Variants in CAMTA1 observed in about 807,000 individuals in gnomAD.
CAMTA1 encodes the protein calmodulin binding transcription activator 1, also known as calmodulin-binding transcription activator 1.
In CAMTA1, 27 loss-of-function variants were observed where a neutral mutation model predicts 170.9. That is an observed-to-expected ratio of 0.16 (90% CI 0.12 to 0.22). The LOEUF (loss-of-function observed/expected upper bound fraction) is 0.22. Ranked by LOEUF, CAMTA1 falls within the 10% of genes least tolerant of loss-of-function variation. The pLI is 1.00. For missense variants in CAMTA1, 1,619 were observed against 2,217.2 expected (o/e 0.73, Z 5.42); for synonymous variants, 833 against 891.5 (o/e 0.93, Z 1.17).
intron 5 of CAMTA1, among the ~76,000 whole-genome samples, chr1:7,345,110 T>A (rs2084132405): frequency 6.6e-6 from 1 of 152,196 alleles, no homozygotes; most frequent in African/African-American, 2.4e-5. Flanking sequence ...TTGTAAGAAT[T>A]CTTTATATTT....
chr1:7,122,488 C>T (rs534417726), intron 4 of CAMTA1, among the ~76,000 whole-genome samples: 10 of 152,082 alleles, frequency 6.6e-5, no homozygotes, highest in African/African-American at 1.9e-4. Flanking sequence ...AGTGGACAGA[C>T]GGGAGGACAC....
At chr1:7,318,604 C>T (rs1677892893) in intron 5 of CAMTA1, among the ~76,000 whole-genome samples, 1 of 152,228 alleles carries the variant, frequency 6.6e-6, no homozygotes, top group African/African-American at 2.4e-5. Context: ...TAGTTGACCA[C>T]TCAGCTGAGA....
intron 3 of CAMTA1, among the ~76,000 whole-genome samples, chr1:6,879,743 C>T (rs1376963133): frequency 6.6e-6 from 1 of 151,844 alleles, no homozygotes; most frequent in African/African-American, 2.4e-5. Context: ...GGCCTCCTGC[C>T]TCAACCTCCC....
At chr1:7,154,675 A>C (rs1646763440) in intron 4 of CAMTA1, among the ~76,000 whole-genome samples, 1 of 152,166 alleles carries the variant, frequency 6.6e-6, no homozygotes, top group Non-Finnish European at 1.5e-5. Context: ...CAGGCATGTG[A>C]CACCCACCCG....
intron 3 of CAMTA1, among the ~76,000 whole-genome samples, chr1:7,049,696 G>T (rs898779023): frequency 5.3e-5 from 8 of 152,168 alleles, no homozygotes; most frequent in Non-Finnish European, 1.2e-4. Context: ...ACCTCAGGTG[G>T]ATCCACCCGC....
rs12138226 is a variant in CAMTA1 at position 7,064,086 on chromosome 1, C to G, written c.235-27218C>G. ...TTCACCTTCTCCTCCTCCTCCTCCT[C>G]CTTCTTCTCCTCCTTCTCTCCTTCC... On this transcript the variant is annotated intron_variant, in intron 3 of 22. Transcript: ENST00000303635. The surrounding 1 kb of genome is among the most constrained non-coding windows in gnomAD (Gnocchi z 5.4). Among the ~76,000 whole-genome samples the G allele has an allele frequency of 0.11, 16,669 of 151,236 alleles. 1,241 individuals are homozygous for G. The highest frequency in any genetic ancestry group is 0.28 in the East Asian group (1,414 of 5,110).
intron 5 of CAMTA1, among the ~76,000 whole-genome samples, chr1:7,348,471 G>A (rs188384846): frequency 1.3e-5 from 2 of 152,194 alleles, no homozygotes; most frequent in South Asian, 4.1e-4. Flanking sequence ...ACAGCAGGAT[G>A]GGGCTGTGGT....
intron 12 of CAMTA1, among the ~76,000 whole-genome samples, chr1:7,735,415 A>G (rs2096763917): frequency 6.6e-6 from 1 of 151,184 alleles, no homozygotes; most frequent in South Asian, 2.1e-4. Context: ...ACTGCACTCC[A>G]GCCTGGGTGA....
intron 4 of CAMTA1, among the ~76,000 whole-genome samples, chr1:7,186,832 G>T (rs914693694): frequency 6.6e-6 from 1 of 152,168 alleles, no homozygotes; most frequent in African/African-American, 2.4e-5. Context: ...CACCACGCTG[G>T]CAGTGTAGAG....
At chr1:7,117,677 C>T (rs144036079) in intron 4 of CAMTA1, among the ~76,000 whole-genome samples, 57 of 152,264 alleles carry the variant, frequency 3.7e-4, no homozygotes, top group African/African-American at 1.3e-3. Flanking sequence ...CAGAGGACGG[C>T]CTCTGGCGCT....
intron 3 of CAMTA1, among the ~76,000 whole-genome samples, chr1:6,996,740 T>G (rs991639392): frequency 6.6e-6 from 1 of 152,102 alleles, no homozygotes; most frequent in Non-Finnish European, 1.5e-5. Context: ...CCTCAGAAAC[T>G]TACCCAGTCT....
intron 1 of CAMTA1, among the ~76,000 whole-genome samples, chr1:6,795,483 C>T (rs1447804074): frequency 1.3e-5 from 2 of 152,118 alleles, no homozygotes; most frequent in Non-Finnish European, 2.9e-5. Context: ...GTGTGAGCTA[C>T]CATGCCCTGC....
At chr1:6,858,604 T>C (rs1663410104) in intron 3 of CAMTA1, among the ~76,000 whole-genome samples, 1 of 152,114 alleles carries the variant, frequency 6.6e-6, no homozygotes, top group Non-Finnish European at 1.5e-5. Flanking sequence ...TTTTGATCAG[T>C]TAATTGGTCT....
At chr1:6,875,758 G>C (rs1230596015) in intron 3 of CAMTA1, among the ~76,000 whole-genome samples, 1 of 152,172 alleles carries the variant, frequency 6.6e-6, no homozygotes, top group Non-Finnish European at 1.5e-5. Flanking sequence ...CCTCTGTACA[G>C]CTTTTAAAAT....
At chr1:7,276,295 A>AT (rs1558345332) in intron 5 of CAMTA1, among the ~76,000 whole-genome samples, 3 of 21,266 alleles carry the variant, frequency 1.4e-4, no homozygotes, top group Non-Finnish European at 1.3e-4. Flanking sequence ...ATATATATAT[A>AT]TATATATATT....
At chr1:6,927,141 CA>C (rs1683451461) in intron 3 of CAMTA1, among the ~76,000 whole-genome samples, 1 of 152,070 alleles carries the variant, frequency 6.6e-6, no homozygotes, top group South Asian at 2.1e-4. Flanking sequence ...CCTCCTGCCT[CA>C]GCCTCCCGAG....
intron 3 of CAMTA1, among the ~76,000 whole-genome samples, chr1:7,003,111 G>T (rs992868058): frequency 1.3e-5 from 2 of 152,220 alleles, no homozygotes; most frequent in African/African-American, 4.8e-5. Context: ...TGCCTGGCCT[G>T]TGCGCACCAG....
chr1:7,600,907 T>C lies in CAMTA1; in HGVS notation c.511-39493T>C, dbSNP rs571908791. ...CTTTCTACACAGACATGGCAACCAT[T>C]AGATTTCTCAGTCTTTTCCCCACCT... On this transcript the variant is annotated intron_variant, in intron 6 of 22. Transcript: ENST00000303635. Among the ~76,000 whole-genome samples, 297 of 145,388 alleles carry C rather than the reference T, an allele frequency of 2.0e-3. 2 individuals carry two copies. Among genetic ancestry groups the C allele is most frequent in the African/African-American group, 5.5e-3 (221 of 40,444 alleles).
At chr1:7,108,113 A>G (rs1643788358) in intron 4 of CAMTA1, among the ~76,000 whole-genome samples, 1 of 152,158 alleles carries the variant, frequency 6.6e-6, no homozygotes, top group East Asian at 1.9e-4. Context: ...TATGGTGCAC[A>G]GGACAGAGCC....
Sources: gnomAD v4.1 joint callset for allele counts (sites outside exome capture counted in the v4.1 genomes callset) on GRCh38, gnomAD v4.1.1 for gene constraint, Gnocchi (gnomAD v3.1) non-coding constraint, MANE v1.5 for transcripts, NCBI Gene and HGNC (gene_info 2026-07-23, HGNC 2026-07-21) for gene names.